The following KCNMA1 variants were observed in gnomAD, a reference collection of about 807,000 sequenced individuals.
KCNMA1 encodes potassium calcium-activated channel subfamily M alpha 1.
KCNMA1 carries 29 observed loss-of-function variants against 140.0 expected under a neutral mutation model. That is an observed-to-expected ratio of 0.21 (90% CI 0.15 to 0.28). The LOEUF (loss-of-function observed/expected upper bound fraction) is 0.28, where lower values mean the gene tolerates loss of function less well. Ranked by LOEUF, KCNMA1 falls within the 10% of genes least tolerant of loss-of-function variation. The pLI is 1.00. For missense variants in KCNMA1, 880 were observed against 1,602.2 expected (o/e 0.55, Z 7.70); for synonymous variants, 612 against 611.9 (o/e 1.00, Z 0.00).
chr10:76,942,379 G>A (rs1452915054), intron 23 of KCNMA1, among the ~76,000 whole-genome samples: 2 of 152,324 alleles, frequency 1.3e-5, no homozygotes, highest in South Asian at 2.1e-4. Context: ...TTCAATGTAT[G>A]TATTTGGCAG....
At chr10:77,448,011 G>C (rs190258503) in intron 1 of KCNMA1, among the ~76,000 whole-genome samples, 2 of 152,356 alleles carry the variant, frequency 1.3e-5, no homozygotes, top group East Asian at 3.9e-4. Flanking sequence ...GCAGGCTGAT[G>C]TTCCAAGGGG....
rs146420353 is a variant in KCNMA1 at position 77,422,950 on chromosome 10, C to T, written c.379-18927G>A. Among the ~76,000 whole-genome samples the T allele has an allele frequency of 5.9e-4, 90 of 152,344 alleles. 1 individual carries two copies. The highest frequency in any genetic ancestry group is 1.1e-3 in the Non-Finnish European group (73 of 68,036). On this transcript the variant is annotated intron_variant, in intron 1 of 27. Coordinates refer to ENST00000286628, the MANE Select transcript of KCNMA1 (RefSeq NM_001161352.2). ...AATTAACATTGTTTTAAGTCAACCCCGTTGTTATGGCATCACTAAGAAACA... is the reference window on the plus strand; with the variant it reads ...AATTAACATTGTTTTAAGTCAACCCTGTTGTTATGGCATCACTAAGAAACA...
At chr10:77,629,295 T>G (rs2092913018) in intron 1 of KCNMA1, among the ~76,000 whole-genome samples, 1 of 152,186 alleles carries the variant, frequency 6.6e-6, no homozygotes, top group Non-Finnish European at 1.5e-5. Context: ...CGTGCCTGAC[T>G]CATCCACCTC....
chr10:77,251,290 A>G, intron 2 of KCNMA1, 34 bp from the exon 3 acceptor site: 3 of 1,567,036 alleles, frequency 1.9e-6, no homozygotes, highest in Non-Finnish European at 2.6e-6. Flanking sequence ...ATCACTTAAG[A>G]GTTGGACCTC....
At chr10:77,479,571 C>T (rs116181829) in intron 1 of KCNMA1, among the ~76,000 whole-genome samples, 1 of 152,110 alleles carries the variant, frequency 6.6e-6, no homozygotes, top group African/African-American at 2.4e-5. Flanking sequence ...ATGTGCTATA[C>T]ACATTGTCTC....
chr10:77,527,846 G>C (rs1475223411), intron 1 of KCNMA1, among the ~76,000 whole-genome samples: 1 of 152,082 alleles, frequency 6.6e-6, no homozygotes, highest in Admixed American at 6.5e-5. Flanking sequence ...CCAGGGGCTG[G>C]CTCGGGCTCC....
intron 2 of KCNMA1, among the ~76,000 whole-genome samples, chr10:77,375,370 G>C (rs2095023483): frequency 6.6e-6 from 1 of 152,110 alleles, no homozygotes; most frequent in Non-Finnish European, 1.5e-5. Flanking sequence ...TTACCCCTAG[G>C]AGCTACTCAA....
intron 1 of KCNMA1, among the ~76,000 whole-genome samples, chr10:77,552,445 T>C (rs2063088057): frequency 6.6e-6 from 1 of 152,132 alleles, no homozygotes; most frequent in African/African-American, 2.4e-5. Context: ...CTAAAAGGGT[T>C]AATATAGGGC....
chr10:77,081,994 C>CTT (rs1470602558), intron 12 of KCNMA1, among the ~76,000 whole-genome samples: 1 of 68,536 alleles, frequency 1.5e-5, no homozygotes, highest in African/African-American at 6.4e-5. Context: ...CCAGTAATTT[C>CTT]TTTTTTTCTT....
chr10:77,509,905 A>G (rs1026065357), intron 1 of KCNMA1, among the ~76,000 whole-genome samples: 1 of 152,062 alleles, frequency 6.6e-6, no homozygotes, highest in South Asian at 2.1e-4. Context: ...GGGGATCATT[A>G]GTTGTCAAAC....
chr10:77,123,449 A>G (rs1007953240), intron 5 of KCNMA1, among the ~76,000 whole-genome samples: 2 of 152,194 alleles, frequency 1.3e-5, no homozygotes, highest in Non-Finnish European at 2.9e-5. Context: ...TTAAATTTAT[A>G]ACAGACTCTA....
intron 24 of KCNMA1, chr10:76,914,637 C>T (rs1162624263): frequency 1.3e-5 from 5 of 371,384 alleles, no homozygotes; most frequent in African/African-American, 2.1e-5. Context: ...TAAGCCTTTC[C>T]TCCTTTCCTC....
In KCNMA1 at chr10:77,055,349, G is replaced by C. The variant is rs141736839; in HGVS notation, c.1750-15712C>G. Among the ~76,000 whole-genome samples, 1,068 of 152,218 alleles carry C rather than the reference G, an allele frequency of 7.0e-3. 19 individuals are homozygous for C. Among genetic ancestry groups the C allele is most frequent in the African/African-American group, 0.024 (1,007 of 41,520 alleles). Reference sequence around the variant, plus strand: ...CTCGAGGCAGCCAGAACCTGGAAGGGATCATCAAGATGTGGACAAAAAACC... The same window carrying C: ...CTCGAGGCAGCCAGAACCTGGAAGGCATCATCAAGATGTGGACAAAAAACC... On this transcript the variant is annotated intron_variant, in intron 14 of 27. Transcript: ENST00000286628.
At chr10:76,892,690 C>A (rs1167907263) in intron 25 of KCNMA1, among the ~76,000 whole-genome samples, 1 of 152,006 alleles carries the variant, frequency 6.6e-6, no homozygotes, top group South Asian at 2.1e-4. Context: ...GGGAACAAAC[C>A]AAGTAAGGGT....
intron 1 of KCNMA1, among the ~76,000 whole-genome samples, chr10:77,552,423 A>T (rs998828083): frequency 1.3e-5 from 2 of 152,162 alleles, no homozygotes; most frequent in African/African-American, 4.8e-5. Context: ...CATTTCAGGG[A>T]TGTAGGGAAG....
intron 3 of KCNMA1, among the ~76,000 whole-genome samples, chr10:77,233,528 C>A (rs2054320514): frequency 6.6e-6 from 1 of 152,190 alleles, no homozygotes; most frequent in Non-Finnish European, 1.5e-5. Flanking sequence ...CCACTGGAGG[C>A]TATATGATCA....
At chr10:77,557,343 G>T (rs914251874) in intron 1 of KCNMA1, among the ~76,000 whole-genome samples, 1 of 152,198 alleles carries the variant, frequency 6.6e-6, no homozygotes, top group Non-Finnish European at 1.5e-5. Context: ...CCTATCCAGG[G>T]CGTGCCCTGG....
intron 9 of KCNMA1, among the ~76,000 whole-genome samples, chr10:77,107,173 T>G (rs1280189865): frequency 1.3e-5 from 2 of 152,036 alleles, no homozygotes; most frequent in African/African-American, 2.4e-5. Context: ...AATACAATGC[T>G]CCCAGTCTGA....
intron 2 of KCNMA1, among the ~76,000 whole-genome samples, chr10:77,257,493 A>G (rs2061017961): frequency 6.6e-6 from 1 of 152,234 alleles, no homozygotes; most frequent in South Asian, 2.1e-4. Flanking sequence ...TCAGACTCCC[A>G]AAGTGGAACG....
Sources: allele counts gnomAD v4.1 joint callset (sites outside exome capture counted in the v4.1 genomes callset), GRCh38; gene constraint gnomAD v4.1.1; transcripts MANE v1.5; gene names NCBI Gene and HGNC (gene_info 2026-07-23, HGNC 2026-07-21).